The following LRRFIP1 variants were observed in gnomAD, a reference collection of about 807,000 sequenced individuals.
LRRFIP1 encodes the protein LRR binding FLII interacting protein 1, also known as leucine-rich repeat flightless-interacting protein 1.
LRRFIP1 carries 62 observed loss-of-function variants against 104.4 expected under a neutral mutation model. That is an observed-to-expected ratio of 0.59 (90% CI 0.48 to 0.73). LRRFIP1 has a LOEUF of 0.73. Among genes scored for constraint, LRRFIP1 ranks in the 30% least tolerant of loss-of-function variants. The pLI, the probability that LRRFIP1 is intolerant of heterozygous loss-of-function variation, is 0.00. For synonymous variants in LRRFIP1, 300 were observed against 299.0 expected (o/e 1.00, Z -0.03); for missense variants, 796 against 824.5 (o/e 0.97, Z 0.42).
intron 1 of LRRFIP1, among the ~76,000 whole-genome samples, chr2:237,639,772 A>G (rs1421073707): frequency 1.3e-5 from 2 of 151,684 alleles, no homozygotes; most frequent in Non-Finnish European, 2.9e-5. Context: ...GGGTTTCTCA[A>G]TCTGGGCACT....
At chr2:237,654,943 T>C (rs552701366) in intron 1 of LRRFIP1, among the ~76,000 whole-genome samples, 11 of 151,948 alleles carry the variant, frequency 7.2e-5, no homozygotes, top group Admixed American at 5.2e-4. Flanking sequence ...AACAGATGAA[T>C]AGATAAAGAA....
Position 237,772,097 on chromosome 2 carries a change from G to A in LRRFIP1, c.1526G>A (p.Gly509Glu). The change falls in exon 21 of 24, where the codon GGG (glycine) becomes GAG (glutamate). Residue 509 changes from glycine to glutamate, a missense_variant. By Grantham distance (98) the Gly-to-Glu change is moderately conservative. Transcript: ENST00000308482. Reference sequence around the variant, plus strand: ...TGTTTTCAGATTAAGAAACTCAAAGGGCAGCTGGAGGAGAGACAGAAGATT... The same window carrying A: ...TGTTTTCAGATTAAGAAACTCAAAGAGCAGCTGGAGGAGAGACAGAAGATT... Reference protein sequence around the residue: ...CLLEQIKKLKGQLEERQKIGK... With the variant: ...CLLEQIKKLKEQLEERQKIGK... 6.2e-7 allele frequency: 1 copy of A among 1,613,322 alleles called. No individual in the cohort carries two copies. Among genetic ancestry groups the A allele is most frequent in the Non-Finnish European group, 8.5e-7 (1 of 1,179,518 alleles).
chr2:237,773,688 C>T (rs1443031694), intron 22 of LRRFIP1, among the ~76,000 whole-genome samples: 1 of 152,164 alleles, frequency 6.6e-6, no homozygotes, highest in Non-Finnish European at 1.5e-5. Context: ...GCCTCTAGCA[C>T]CCTGGGCCCT....
chr2:237,688,363 G>T (rs1422452030), intron 1 of LRRFIP1, among the ~76,000 whole-genome samples: 1 of 151,822 alleles, frequency 6.6e-6, no homozygotes, highest in African/African-American at 2.4e-5. Flanking sequence ...GAAGGAGGAA[G>T]TCAAGCCCTG....
At chr2:237,692,126 G>GC (rs546891933) in intron 1 of LRRFIP1, 202,687 of 806,506 alleles carry the variant, frequency 0.25, 24,103 homozygotes, top group African/African-American at 0.38. Context: ...AGCCGGGAGG[G>GC]CCCCTCCGAG....
At chr2:237,670,820 G>A (rs916533891) in intron 1 of LRRFIP1, among the ~76,000 whole-genome samples, 1 of 152,204 alleles carries the variant, frequency 6.6e-6, no homozygotes, top group Non-Finnish European at 1.5e-5. Context: ...TCCCCGTGGG[G>A]CCGTTACGAG....
At chr2:237,701,974 C>A (rs2093559733) in intron 1 of LRRFIP1, among the ~76,000 whole-genome samples, 1 of 152,202 alleles carries the variant, frequency 6.6e-6, no homozygotes, top group South Asian at 2.1e-4. Context: ...GTGCCTATCT[C>A]CCCAGCTGGC....
chr2:237,646,419 C>T lies in LRRFIP1; in HGVS notation c.96+18679C>T, dbSNP rs191967901. On this transcript the variant is annotated intron_variant, in intron 1 of 23. Transcript: ENST00000308482. ...CTGATGCTCTCCCTCCCCACCCCAC[C>T]CTCCGACAAGCCCCACTGTGTGTGA... 1.6e-3 allele frequency among the ~76,000 whole-genome samples: 242 copies of T among 151,928 alleles called. 1 individual carries two copies. Among genetic ancestry groups the T allele is most frequent in the African/African-American group, 4.1e-3 (171 of 41,538 alleles).
intron 1 of LRRFIP1, among the ~76,000 whole-genome samples, chr2:237,664,145 C>A (rs993620369): frequency 1.3e-5 from 2 of 152,182 alleles, no homozygotes; most frequent in Admixed American, 6.5e-5. Flanking sequence ...AGGGTCCTGG[C>A]GGCCTCAGCC....
At chr2:237,758,318 T>C (rs2059502394) in intron 17 of LRRFIP1, among the ~76,000 whole-genome samples, 1 of 152,016 alleles carries the variant, frequency 6.6e-6, no homozygotes, top group Non-Finnish European at 1.5e-5. Flanking sequence ...TGTATAAAAA[T>C]AGTCTAAATG....
At chr2:237,660,190 G>A (rs1005450059) in intron 1 of LRRFIP1, among the ~76,000 whole-genome samples, 1 of 152,178 alleles carries the variant, frequency 6.6e-6, no homozygotes, top group Non-Finnish European at 1.5e-5. Flanking sequence ...GAAGGCAAAA[G>A]AAATAAAATA....
chr2:237,760,695 G>T (rs961659772), intron 19 of LRRFIP1, among the ~76,000 whole-genome samples: 1 of 152,184 alleles, frequency 6.6e-6, no homozygotes, highest in African/African-American at 2.4e-5. Context: ...GGTACGGGGT[G>T]CCTGTGGACA....
At chr2:237,724,670 T>C (rs2150232671) in intron 7 of LRRFIP1, among the ~76,000 whole-genome samples, 1 of 152,326 alleles carries the variant, frequency 6.6e-6, no homozygotes. Context: ...TCCTGTTCTT[T>C]AAGGAATTCA....
At chr2:237,678,760 A>C (rs2091468257) in intron 1 of LRRFIP1, among the ~76,000 whole-genome samples, 1 of 152,138 alleles carries the variant, frequency 6.6e-6, no homozygotes, top group East Asian at 1.9e-4. Flanking sequence ...TGCCTGCCGT[A>C]GCCTCCAAAA....
At chr2:237,757,305 A>C in intron 16 of LRRFIP1, 151 bp from the exon 17 acceptor site, 1 of 530,080 alleles carries the variant, frequency 1.9e-6, no homozygotes, top group Non-Finnish European at 3.4e-6. Context: ...AAGGAAAAAA[A>C]TCCTAGAATG....
At chr2:237,701,698 C>T (rs1043598547) in intron 1 of LRRFIP1, among the ~76,000 whole-genome samples, 5 of 152,188 alleles carry the variant, frequency 3.3e-5, no homozygotes, top group Non-Finnish European at 7.4e-5. Context: ...AGACTGTTTA[C>T]CTCACTGCCC....
chr2:237,632,795 A>G (rs1438090899), intron 1 of LRRFIP1, among the ~76,000 whole-genome samples: 1 of 152,106 alleles, frequency 6.6e-6, no homozygotes, highest in Non-Finnish European at 1.5e-5. Context: ...TCCAGGACTG[A>G]GCCCAGCTGC....
intron 1 of LRRFIP1, among the ~76,000 whole-genome samples, chr2:237,658,651 C>A (rs536836401): frequency 7.1e-4 from 108 of 152,250 alleles, no homozygotes; most frequent in Middle Eastern, 6.8e-3. Context: ...GAAGGGGAAC[C>A]AAGGCACCTT....
At chr2:237,635,603 C>A (rs1016266990) in intron 1 of LRRFIP1, among the ~76,000 whole-genome samples, 1 of 152,176 alleles carries the variant, frequency 6.6e-6, no homozygotes, top group Non-Finnish European at 1.5e-5. Flanking sequence ...GAAAGAATAG[C>A]TTAGGACCAA....
Sources: gnomAD v4.1 joint callset for allele counts (sites outside exome capture counted in the v4.1 genomes callset) on GRCh38, gnomAD v4.1.1 for gene constraint, MANE v1.5 for transcripts, NCBI Gene and HGNC (gene_info 2026-07-23, HGNC 2026-07-21) for gene names.